The following APLP2 variants were observed in gnomAD, a reference collection of about 807,000 sequenced individuals.
APLP2 encodes CDEI box-binding protein.
Under a neutral mutation model 89.9 loss-of-function variants are expected in APLP2, and 53 were observed. That is an observed-to-expected ratio of 0.59 (90% confidence interval 0.47 to 0.74). The LOEUF (loss-of-function observed/expected upper bound fraction) is 0.74, where lower values mean the gene tolerates loss of function less well. Ranked by LOEUF, APLP2 falls within the 30% of genes least tolerant of loss-of-function variation. APLP2 has a pLI of 0.00. For missense variants in APLP2, 973 were observed against 975.9 expected (o/e 1.00, Z 0.04); for synonymous variants, 372 against 348.6 (o/e 1.07, Z -0.75).
intron 5 of APLP2, among the ~76,000 whole-genome samples, 173 bp from the exon 6 acceptor site, chr11:130,122,132 A>G (rs1043103244): frequency 6.6e-6 from 1 of 152,186 alleles, no homozygotes; most frequent in Non-Finnish European, 1.5e-5. Flanking sequence ...AATGTTCACA[A>G]ATACTTCCCG....
At chr11:130,102,881 A>G (rs1019532111) in intron 1 of APLP2, among the ~76,000 whole-genome samples, 2 of 152,370 alleles carry the variant, frequency 1.3e-5, no homozygotes, top group Middle Eastern at 3.4e-3. Context: ...AGAATGAATT[A>G]TTAAGCAAAA....
In APLP2 at chr11:130,141,184, G is replaced by A; in HGVS notation, c.1924-314G>A. 3.9e-6 allele frequency: 1 copy of A among 256,440 alleles called. No homozygotes were observed. Among genetic ancestry groups the A allele is most frequent in the Non-Finnish European group, 7.6e-6 (1 of 132,350 alleles). The allele number at this position is 256,440 out of a possible 1,614,324, so 15.9% of individuals were successfully genotyped here. A position where few individuals can be genotyped will look rare whatever the true frequency, so the allele number is the denominator to read the frequency against. ...GCCTCCCAAAGTGCTGGGATTACAGGCGTGAGCCACCGCGCCTGGTGTAAA... is the reference window on the plus strand; with the variant it reads ...GCCTCCCAAAGTGCTGGGATTACAGACGTGAGCCACCGCGCCTGGTGTAAA... On this transcript the variant is annotated intron_variant, in intron 14 of 16. Coordinates refer to ENST00000338167, the MANE Select transcript of APLP2 (RefSeq NM_001142276.2). This position sits in a 1 kb window ranked among gnomAD's most constrained non-coding sequence, Gnocchi z 4.2.
rs184441750 is a variant in APLP2 at position 130,137,782 on chromosome 11, G to A, written c.1837+2067G>A. Among the ~76,000 whole-genome samples, 67 of 152,184 alleles carry A rather than the reference G, an allele frequency of 4.4e-4. No individual in the cohort carries two copies. The East Asian group carries it at 0.011, about 25-fold the overall frequency. On this transcript the variant is annotated intron_variant, in intron 13 of 16. Coordinates refer to ENST00000338167, the MANE Select transcript of APLP2 (RefSeq NM_001142276.2). ...CCAGTTGTCTCATGTCCCCTGAGTT[G>A]TATATTCCTCAGAACATCGGAAGCC...
intron 1 of APLP2, 44 bp from the exon 2 acceptor site, chr11:130,109,385 C>T (rs1359402666): frequency 1.9e-6 from 3 of 1,573,202 alleles, no homozygotes; most frequent in Non-Finnish European, 2.6e-6. Flanking sequence ...TGCCTCTGTG[C>T]TAGCCTTCTT....
In APLP2 at chr11:130,126,703, C is replaced by T. The variant is rs955922728; in HGVS notation, c.1094C>T (p.Pro365Leu). Reference protein sequence around the residue: ...YCMAVCKAMIPPTPLPTNDVD... With the variant: ...YCMAVCKAMILPTPLPTNDVD... Reference sequence around the variant, plus strand: ...TCCCTCTGTAATTTTGTTTCAGTTCCTCCAACTCCTCTGCCAACCAATGAT... The same window carrying T: ...TCCCTCTGTAATTTTGTTTCAGTTCTTCCAACTCCTCTGCCAACCAATGAT... Residue 365 changes from proline to leucine, a missense_variant, in exon 8 of 17, where the codon CCT becomes CTT. By Grantham distance (98) the Pro-to-Leu change is moderately conservative. Transcript: ENST00000338167. 6 of 1,613,764 alleles carry T rather than the reference C, an allele frequency of 3.7e-6. No individual in the cohort carries two copies. The Admixed American group carries it at 5.0e-5, about 13-fold the overall frequency.
intron 3 of APLP2, among the ~76,000 whole-genome samples, chr11:130,114,702 T>C (rs1948978166): frequency 6.6e-6 from 1 of 152,204 alleles, no homozygotes. Flanking sequence ...TAGTGGGGAA[T>C]GCTATTTTGA....
In APLP2 at chr11:130,121,623, A is replaced by G; in HGVS notation, c.526A>G (p.Thr176Ala). 2 of 1,612,788 alleles carry G rather than the reference A, an allele frequency of 1.2e-6. No individual in the cohort carries two copies. Among genetic ancestry groups the G allele is most frequent in the Non-Finnish European group, 1.7e-6 (2 of 1,179,214 alleles). ...WHTVVKEACL[T>A]QGMTLYSYGM... ...TGTGGGTTTCTTTTAGGCATGTCTG[A>G]CTCAGGGAATGACCTTATATAGCTA... The change falls in exon 5 of 17, where the codon ACT (threonine) becomes GCT (alanine). Residue 176 changes from threonine to alanine, a missense_variant. By Grantham distance (58) the Thr-to-Ala change is moderately conservative. Coordinates refer to ENST00000338167, the MANE Select transcript of APLP2 (RefSeq NM_001142276.2).
chr11:130,116,744 T>C (rs1181010922), intron 3 of APLP2, among the ~76,000 whole-genome samples: 1 of 152,082 alleles, frequency 6.6e-6, no homozygotes, highest in African/African-American at 2.4e-5. Flanking sequence ...AGTGCTGGGA[T>C]TACAGGCATG....
intron 13 of APLP2, chr11:130,139,540 G>A (rs1427032115): frequency 6.6e-6 from 1 of 152,200 alleles, no homozygotes; most frequent in East Asian, 1.9e-4. Context: ...AAAAATAGAG[G>A]ACTTCCTCTC....
intron 13 of APLP2, chr11:130,137,352 C>T (rs12273740): frequency 1.5e-5 from 21 of 1,443,526 alleles, no homozygotes; most frequent in South Asian, 6.9e-5. Flanking sequence ...CTAGTGTGTC[C>T]GAAGCTTCAT....
intron 1 of APLP2, among the ~76,000 whole-genome samples, chr11:130,084,845 A>G (rs1398623900): frequency 1.3e-5 from 2 of 152,198 alleles, no homozygotes; most frequent in East Asian, 1.9e-4. Flanking sequence ...ACAGAATAGA[A>G]AAAAACAATA....
At chr11:130,070,884 T>C (rs1421001859) in intron 1 of APLP2, 2 of 607,032 alleles carry the variant, frequency 3.3e-6, no homozygotes, top group Non-Finnish European at 4.1e-6. Context: ...ACCCTGAGCA[T>C]CCCCGCTGCG....
chr11:130,108,698 A>G (rs1948125963), intron 1 of APLP2: 1 of 152,232 alleles, frequency 6.6e-6, no homozygotes, highest in Admixed American at 6.5e-5. Context: ...CAGCCATCCC[A>G]TTACTCGGTA....
At chr11:130,129,017 A>G (rs1950653941) in intron 9 of APLP2, 31 bp from the exon 10 acceptor site, 1 of 1,599,196 alleles carries the variant, frequency 6.3e-7, no homozygotes. Flanking sequence ...GGTGCCACAA[A>G]TCATGTGTGG....
chr11:130,106,753 A>G (rs555263323), intron 1 of APLP2, among the ~76,000 whole-genome samples: 4 of 151,786 alleles, frequency 2.6e-5, no homozygotes, highest in African/African-American at 7.3e-5. Context: ...CAATTGTGCA[A>G]TCTCGGCTCA....
intron 13 of APLP2, 120 bp from the exon 14 acceptor site, chr11:130,140,278 C>T (rs1952190444): frequency 3.2e-6 from 2 of 621,384 alleles, no homozygotes. Flanking sequence ...GCAGATGAGT[C>T]GCGTGGGGAG....
intron 1 of APLP2, among the ~76,000 whole-genome samples, chr11:130,096,254 G>T (rs1384118946): frequency 6.6e-6 from 1 of 152,208 alleles, no homozygotes; most frequent in Non-Finnish European, 1.5e-5. Context: ...GGACTGGAGG[G>T]ATGCTGGAGT....
At chr11:130,103,086 A>G (rs961718795) in intron 1 of APLP2, among the ~76,000 whole-genome samples, 1 of 152,338 alleles carries the variant, frequency 6.6e-6, no homozygotes, top group South Asian at 2.1e-4. Context: ...AACATGTTAG[A>G]TTAGGAAACA....
intron 1 of APLP2, among the ~76,000 whole-genome samples, chr11:130,103,593 G>T (rs1429097304): frequency 6.6e-6 from 1 of 152,140 alleles, no homozygotes; most frequent in Non-Finnish European, 1.5e-5. Flanking sequence ...CATTTATACA[G>T]TTGGAACTCT....
Sources: allele counts gnomAD v4.1 joint callset (sites outside exome capture counted in the v4.1 genomes callset), GRCh38; gene constraint gnomAD v4.1.1; non-coding constraint Gnocchi (gnomAD v3.1); transcripts MANE v1.5; gene names NCBI Gene and HGNC (gene_info 2026-07-23, HGNC 2026-07-21).